Variants in MIR2052HG observed in about 807,000 individuals in gnomAD.
MIR2052HG encodes the protein MIR2052 host gene.
intron 5 of MIR2052HG, among the ~76,000 whole-genome samples, chr8:74,754,411 A>C (rs1809978694): frequency 1.3e-5 from 2 of 152,172 alleles, no homozygotes; most frequent in Non-Finnish European, 2.9e-5. Flanking sequence ...TTTGGTGGCC[A>C]GCTAGTGTTT....
At chr8:74,729,037 G>A (rs1389304353) in intron 4 of MIR2052HG, among the ~76,000 whole-genome samples, 1 of 152,058 alleles carries the variant, frequency 6.6e-6, no homozygotes, top group South Asian at 2.1e-4. Context: ...GGATTATTTG[G>A]ATTAAAGAAC....
At chr8:74,609,372 A>T (rs1055281764) in intron 1 of MIR2052HG, among the ~76,000 whole-genome samples, 1 of 151,974 alleles carries the variant, frequency 6.6e-6, no homozygotes, top group Non-Finnish European at 1.5e-5. Context: ...ACATTTAAAC[A>T]AGAAATAAAG....
At chr8:74,675,259 A>G (rs1029555490) in intron 2 of MIR2052HG, among the ~76,000 whole-genome samples, 14 of 151,996 alleles carry the variant, frequency 9.2e-5, no homozygotes, top group African/African-American at 3.1e-4. Flanking sequence ...GATTCAACCA[A>G]TCACCAATCA....
Position 74,708,846 on chromosome 8 carries a change from T to TA in MIR2052HG, n.371+5168dup, listed in dbSNP as rs931078455. On this transcript the variant is annotated intron_variant and non_coding_transcript_variant, in intron 4 of 6. Coordinates refer to ENST00000523442, the Ensembl canonical transcript of MIR2052HG. ...AAAATTAAAAATTTAAATAAAATTTTAAAATCTAAATTTAAATTTTAAAAG... is the reference window on the plus strand; with the variant it reads ...AAAATTAAAAATTTAAATAAAATTTTAAAAATCTAAATTTAAATTTTAAAAG... 1.1e-3 allele frequency among the ~76,000 whole-genome samples: 167 copies of TA among 151,692 alleles called. 1 individual carries two copies. Among genetic ancestry groups the TA allele is most frequent in the Non-Finnish European group, 1.8e-3 (122 of 67,870 alleles).
intron 2 of MIR2052HG, among the ~76,000 whole-genome samples, chr8:74,629,495 G>A (rs1808479965): frequency 6.6e-6 from 1 of 152,060 alleles, no homozygotes; most frequent in African/African-American, 2.4e-5. Flanking sequence ...AGGAAGGTAT[G>A]AAAAGAGGAA....
chr8:74,632,956 C>G (rs1054293398), intron 2 of MIR2052HG, among the ~76,000 whole-genome samples: 1 of 152,148 alleles, frequency 6.6e-6, no homozygotes, highest in Non-Finnish European at 1.5e-5. Context: ...GTTCAACCTT[C>G]AGGACTCAAC....
At chr8:74,676,908 G>T (rs146770662) in intron 2 of MIR2052HG, among the ~76,000 whole-genome samples, 2 of 152,032 alleles carry the variant, frequency 1.3e-5, no homozygotes, top group East Asian at 3.9e-4. Flanking sequence ...ATGTCATGTT[G>T]TATAGCCTAA....
At chr8:74,701,227 A>G (rs1172463091) in intron 2 of MIR2052HG, among the ~76,000 whole-genome samples, 2 of 152,158 alleles carry the variant, frequency 1.3e-5, no homozygotes, top group Admixed American at 6.6e-5. Context: ...TAGTTTAAAA[A>G]ACATTTAAAA....
intron 2 of MIR2052HG, among the ~76,000 whole-genome samples, chr8:74,676,574 GA>G (rs1293528748): frequency 6.6e-6 from 1 of 151,354 alleles, no homozygotes; most frequent in South Asian, 2.1e-4. Flanking sequence ...AAGAAGTATA[GA>G]AAAAAAATGT....
At chr8:74,686,571 T>C (rs949614446) in intron 2 of MIR2052HG, among the ~76,000 whole-genome samples, 2 of 152,138 alleles carry the variant, frequency 1.3e-5, no homozygotes, top group African/African-American at 4.8e-5. Context: ...GAATGAGATC[T>C]GCTGCTTACT....
At chr8:74,653,235 T>C (rs563795352) in intron 2 of MIR2052HG, among the ~76,000 whole-genome samples, 33 of 152,160 alleles carry the variant, frequency 2.2e-4, no homozygotes, top group Non-Finnish European at 4.3e-4. Context: ...CAAACCATAA[T>C]GCAAAGTGGG....
At chr8:74,721,140 C>T (rs1809574105) in intron 4 of MIR2052HG, among the ~76,000 whole-genome samples, 1 of 152,148 alleles carries the variant, frequency 6.6e-6, no homozygotes, top group Non-Finnish European at 1.5e-5. Context: ...AAGTTAGTAG[C>T]TCTTGCCTGG....
chr8:74,696,175 A>G (rs1447783611), intron 2 of MIR2052HG, among the ~76,000 whole-genome samples: 3 of 152,188 alleles, frequency 2.0e-5, no homozygotes, highest in Non-Finnish European at 4.4e-5. Flanking sequence ...AGGAACCCTC[A>G]AAACCATGCA....
intron 3 of MIR2052HG, among the ~76,000 whole-genome samples, chr8:74,703,353 T>G (rs1236536577): frequency 6.6e-6 from 1 of 152,092 alleles, no homozygotes; most frequent in African/African-American, 2.4e-5. Flanking sequence ...ATCTTTATTT[T>G]AATCTTCCTC....
intron 1 of MIR2052HG, among the ~76,000 whole-genome samples, chr8:74,602,375 C>A (rs1318476288): frequency 6.6e-6 from 1 of 152,170 alleles, no homozygotes; most frequent in East Asian, 1.9e-4. Flanking sequence ...ACCATCAGTT[C>A]CAGAGATTGC....
chr8:74,677,660 A>G (rs1165648245), intron 2 of MIR2052HG, among the ~76,000 whole-genome samples: 1 of 152,170 alleles, frequency 6.6e-6, no homozygotes, highest in Non-Finnish European at 1.5e-5. Context: ...AAGTTACCAT[A>G]TATCAAGACT....
At chr8:74,743,894 A>G (rs945193990) in intron 4 of MIR2052HG, among the ~76,000 whole-genome samples, 1 of 152,226 alleles carries the variant, frequency 6.6e-6, no homozygotes, top group African/African-American at 2.4e-5. Flanking sequence ...CTCACAAGAA[A>G]ATCACCATGA....
At chr8:74,743,266 T>G (rs866724428) in intron 4 of MIR2052HG, among the ~76,000 whole-genome samples, 51 of 152,072 alleles carry the variant, frequency 3.4e-4, no homozygotes, top group African/African-American at 1.0e-3. Flanking sequence ...TATAAGAAAA[T>G]AAACATAAAG....
chr8:74,674,161 T>C (rs77543250), intron 2 of MIR2052HG, among the ~76,000 whole-genome samples: 2,615 of 151,560 alleles, frequency 0.017, 39 homozygotes, highest in African/African-American at 0.035. Flanking sequence ...TGTGTGTGTG[T>C]GTGTGTATCA....
Sources: allele counts gnomAD v4.1 joint callset (sites outside exome capture counted in the v4.1 genomes callset), GRCh38; gene constraint gnomAD v4.1.1; transcripts MANE v1.5; gene names NCBI Gene and HGNC (gene_info 2026-07-23, HGNC 2026-07-21).